Variants in LRIT1 observed in about 807,000 individuals in gnomAD.
The protein encoded by LRIT1 is leucine-rich repeat, immunoglobulin-like domain and transmembrane domain-containing protein 1.
LRIT1 carries 23 observed loss-of-function variants against 24.0 expected under a neutral mutation model. The observed-to-expected ratio is 0.96, with a 90% CI of 0.69 to 1.36. The LOEUF (loss-of-function observed/expected upper bound fraction) is 1.36, where lower values mean the gene tolerates loss of function less well. Among genes scored for constraint, LRIT1 ranks in the 40% most tolerant of loss-of-function variants. The pLI, the probability that LRIT1 is intolerant of heterozygous loss-of-function variation, is 0.00. For synonymous variants in LRIT1, 361 were observed against 340.5 expected, an observed-to-expected ratio of 1.06 and a Z score of -0.66; for missense variants, 846 against 806.3, an observed-to-expected ratio of 1.05 and a Z score of -0.60.
Position 84,232,044 on chromosome 10 carries a change from C to T in LRIT1, c.1755G>A (p.Glu585=). 6.2e-7 allele frequency: 1 copy of T among 1,614,136 alleles called. No homozygotes were observed. The highest frequency in any genetic ancestry group is 8.5e-7 in the Non-Finnish European group (1 of 1,180,022). ...ERLGYSEDGL[E]ELSRHSVSEA... ...CGCTGACACTGTGCCGGGACAGCTC[C>T]TCCAAGCCGTCCTCGCTGTAGCCCA... is the stretch of plus-strand genomic sequence containing the variant. Residue 585 remains glutamate, a synonymous_variant, in exon 4 of 4, where the codon GAG becomes GAA. Transcript: ENST00000372105.
rs779136345 is a variant in LRIT1, at chr10:84,232,345, A to C, written c.1454T>G (p.Ile485Ser). ...CTTGGTCTTGGGCAACAGCCCAGTGATGGTCACTCTGGTCTTCCCAGGCTG... is the reference window on the plus strand; with the variant it reads ...CTTGGTCTTGGGCAACAGCCCAGTGCTGGTCACTCTGGTCTTCCCAGGCTG... The part of the protein sequence containing the change: ...IVQPGKTRVT[I>S]TGLLPKTKYV... The change falls in exon 4 of 4, where the codon ATC (isoleucine) becomes AGC (serine). Residue 485 changes from isoleucine to serine, a missense_variant. Coordinates refer to ENST00000372105, the MANE Select transcript of LRIT1 (RefSeq NM_015613.3). The C allele has an allele frequency of 3.7e-6, 6 of 1,613,860 alleles. No individual in the cohort carries two copies. In the African/African-American group the frequency reaches 8.0e-5, roughly 22 times the overall value.
At chr10:84,238,706 G>A (rs908688017) in intron 1 of LRIT1, among the ~76,000 whole-genome samples, 1 of 152,202 alleles carries the variant, frequency 6.6e-6, no homozygotes, top group African/African-American at 2.4e-5. Context: ...CACCCTGCAT[G>A]AGCCCAAGGG....
chr10:84,231,889 G>A lies in LRIT1; in HGVS notation c.*38C>T, dbSNP rs61867368. The stretch of plus-strand genomic sequence containing the variant: ...CAGGTGTCAGAGCTAAAGAAGGAGC[G>A]TGGGCAGGCAGGTGTGTGAGTTGCG... On this transcript the variant is annotated 3_prime_UTR_variant, in exon 4 of 4. Transcript: ENST00000372105. The A allele has an allele frequency of 1.9e-3, 2,952 of 1,565,714 alleles. 4 individuals carry two copies. Among genetic ancestry groups the A allele is most frequent in the Non-Finnish European group, 2.3e-3 (2,676 of 1,156,334 alleles).
rs1461334692 is a variant in LRIT1 at position 84,237,279 on chromosome 10, G to C, written c.530C>G (p.Ser177Cys). ...GATACCGGTCTCCAGGTGAGCCCAGGAGACGATGAGCTCCTGCGGGAGCCT... is the reference window on the plus strand; with the variant it reads ...GATACCGGTCTCCAGGTGAGCCCAGCAGACGATGAGCTCCTGCGGGAGCCT... ...LMRLPQELIV[S>C]WAHLETGIFP... is the part of the protein sequence containing the mutation. Residue 177 changes from serine to cysteine, a missense_variant, in exon 2 of 4, where the codon TCC (serine) becomes TGC (cysteine). By Grantham distance (112) the Ser-to-Cys change is moderately radical. Transcript: ENST00000372105. The C allele has an allele frequency of 6.4e-7, 1 of 1,550,986 alleles. No homozygotes were observed. The highest frequency in any genetic ancestry group is 1.2e-5 in the South Asian group (1 of 84,048).
chr10:84,231,552 A>C lies in LRIT1; in HGVS notation c.*375T>G, dbSNP rs1349908509. The C allele has an allele frequency of 8.5e-6, 2 of 235,540 alleles. No homozygotes were observed. Among genetic ancestry groups the C allele is most frequent in the African/African-American group, 2.2e-5 (1 of 44,522 alleles). 14.6% of individuals were successfully genotyped at this position (235,540 alleles called of 1,614,324 possible). On this transcript the variant is annotated 3_prime_UTR_variant, in exon 4 of 4. Coordinates refer to ENST00000372105, the MANE Select transcript of LRIT1 (RefSeq NM_015613.3). ...AGAGCAGAGCCACCCTAATCAACCCACAGGCCTGTGAGTGTGAAAATAAGT... is the reference window on the plus strand; with the variant it reads ...AGAGCAGAGCCACCCTAATCAACCCCCAGGCCTGTGAGTGTGAAAATAAGT...
intron 3 of LRIT1, 38 bp from the exon 4 acceptor site, chr10:84,232,941 G>C: frequency 6.3e-7 from 1 of 1,579,776 alleles, no homozygotes; most frequent in East Asian, 2.2e-5. Context: ...GAACGAATGG[G>C]CCCATCTGCC....
chr10:84,234,217 A>G lies in LRIT1; in HGVS notation c.751T>C (p.Cys251Arg), dbSNP rs1842628768. Residue 251 changes from cysteine (C) to arginine (R), a missense_variant, in exon 3 of 4, where the codon TGC becomes CGC. By Grantham distance (180) the Cys-to-Arg change is radical. Coordinates refer to ENST00000372105, the MANE Select transcript of LRIT1 (RefSeq NM_015613.3). Reference sequence around the variant, plus strand: ...CCTGGATGGAGCTCTGGGCCCTGGCACTTCCTCAGTTCAAGCTGGCTGAAG... The same window carrying G: ...CCTGGATGGAGCTCTGGGCCCTGGCGCTTCCTCAGTTCAAGCTGGCTGAAG... ...VAFSQLELRKCQGPELHPGVA... is the reference protein window; with the variant it reads ...VAFSQLELRKRQGPELHPGVA... The G allele has an allele frequency of 6.2e-7, 1 of 1,613,886 alleles. No homozygotes were observed. The highest frequency in any genetic ancestry group is 8.5e-7 in the Non-Finnish European group (1 of 1,180,028).
chr10:84,231,662 C>T lies in LRIT1; in HGVS notation c.*265G>A, dbSNP rs971178617. 6.3e-6 allele frequency: 3 copies of T among 474,458 alleles called. No individual in the cohort carries two copies. Among genetic ancestry groups the T allele is most frequent in the East Asian group, 3.6e-5 (1 of 27,578 alleles). 29.4% of individuals were successfully genotyped at this position (474,458 alleles called of 1,614,324 possible). ...GATACAGGCAAGTTTCTTAACCCCCCACCCCAGGGAAATGGAGAGAATAGT... is the reference window on the plus strand; with the variant it reads ...GATACAGGCAAGTTTCTTAACCCCCTACCCCAGGGAAATGGAGAGAATAGT... On this transcript the variant is annotated 3_prime_UTR_variant, in exon 4 of 4. Coordinates refer to ENST00000372105, the MANE Select transcript of LRIT1 (RefSeq NM_015613.3).
rs1218132877 is a variant in LRIT1, at chr10:84,232,588, T to A, written c.1211A>T (p.Glu404Val). The change falls in exon 4 of 4, where the codon GAG becomes GTG. Residue 404 changes from glutamate to valine, a missense_variant. Physicochemically the swap from Glu to Val is moderately radical, Grantham distance 121. Transcript: ENST00000372105. ...TGPSVPSTKE[E>V]LTLEHFQMDA... The stretch of plus-strand genomic sequence containing the variant: ...CATCTGGAAGTGCTCAAGGGTCAGC[T>A]CCTCCTTTGTGCTGGGCACAGAGGG... 6.2e-7 allele frequency: 1 copy of A among 1,614,046 alleles called. No individual in the cohort carries two copies. Among genetic ancestry groups the A allele is most frequent in the South Asian group, 1.1e-5 (1 of 91,074 alleles).
intron 1 of LRIT1, among the ~76,000 whole-genome samples, chr10:84,239,755 A>G (rs1842678262): frequency 6.6e-6 from 1 of 152,314 alleles, no homozygotes; most frequent in African/African-American, 2.4e-5. Context: ...CAGCTCAGAC[A>G]TAAAGGCTGG....
Position 84,237,432 on chromosome 10 carries a change from G to A in LRIT1, c.377C>T (p.Ala126Val). The change falls in exon 2 of 4, where the codon GCG becomes GTG. Residue 126 changes from alanine (A) to valine (V), a missense_variant. Physicochemically the swap from Ala to Val is moderately conservative, Grantham distance 64. Transcript: ENST00000372105. ...GNRLAAFPWA[A>V]LRDAPKLRLL... The stretch of plus-strand genomic sequence containing the variant: ...CCGCAGCTTGGGGGCGTCCCTGAGC[G>A]CCGCCCAGGGGAAGGCGGCCAGGCG... The A allele has an allele frequency of 2.6e-6, 4 of 1,548,230 alleles. No individual in the cohort carries two copies. The highest frequency in any genetic ancestry group is 3.5e-6 in the Non-Finnish European group (4 of 1,148,724).
chr10:84,232,584 C>T lies in LRIT1; in HGVS notation c.1215G>A (p.Leu405=), dbSNP rs369082886. The T allele has an allele frequency of 3.1e-6, 5 of 1,613,982 alleles. No homozygotes were observed. The highest frequency in any genetic ancestry group is 1.3e-5 in the African/African-American group (1 of 74,932). Residue 405 remains leucine (L), a synonymous_variant, in exon 4 of 4, where the codon CTG becomes CTA. Coordinates refer to ENST00000372105, the MANE Select transcript of LRIT1 (RefSeq NM_015613.3). ...GPSVPSTKEE[L]TLEHFQMDAL... is the part of the protein sequence containing the mutation. Reference sequence around the variant, plus strand: ...CATCCATCTGGAAGTGCTCAAGGGTCAGCTCCTCCTTTGTGCTGGGCACAG... The same window carrying T: ...CATCCATCTGGAAGTGCTCAAGGGTTAGCTCCTCCTTTGTGCTGGGCACAG...
intron 3 of LRIT1, 75 bp downstream of exon 3, chr10:84,233,998 C>T: frequency 7.3e-7 from 1 of 1,367,954 alleles, no homozygotes; most frequent in South Asian, 1.7e-5. Flanking sequence ...CTGGCCCTGC[C>T]AAATCCCCAT....
chr10:84,238,837 G>A (rs1052849255), intron 1 of LRIT1, among the ~76,000 whole-genome samples: 10 of 152,326 alleles, frequency 6.6e-5, no homozygotes, highest in African/African-American at 2.4e-4. Flanking sequence ...TGAGACTAAA[G>A]CAGAGGATAG....
intron 3 of LRIT1, 127 bp from the exon 4 acceptor site, chr10:84,233,030 C>T: frequency 1.9e-6 from 2 of 1,053,258 alleles, no homozygotes; most frequent in South Asian, 3.3e-5. Context: ...CACTGGCAGT[C>T]ACTCAGTGTT....
chr10:84,237,378 G>GA lies in LRIT1; in HGVS notation c.430dup (p.Ser144PhefsTer6). Reference sequence around the variant, plus strand: ...GCGCGCGGCCTCAGCGGGCACAGCCGAGAGGCGGTTGGCCTGCAGGTCCAG... The same window carrying GA: ...GCGCGCGGCCTCAGCGGGCACAGCCGAAGAGGCGGTTGGCCTGCAGGTCCAG... On this transcript the variant is annotated frameshift_variant, in exon 2 of 4. Transcript: ENST00000372105. LOFTEE classifies it high-confidence loss of function. 1 of 1,549,248 alleles carries GA rather than the reference G, an allele frequency of 6.5e-7. No homozygotes were observed.
chr10:84,233,346 A>T (rs12257342), intron 3 of LRIT1, among the ~76,000 whole-genome samples: 21,319 of 150,386 alleles, frequency 0.14, 4,548 homozygotes, highest in African/African-American at 0.46. Context: ...ATATATATAT[A>T]TTTTTTTTTG....
In LRIT1 at chr10:84,241,499, G is replaced by GGCCCAGCAAGCCCAGCAA; in HGVS notation, c.-61_-60insTTGCTGGGCTTGCTGGGC. ...TGTCCCTGGACCGCTCCGTCCCACCGGCCCAGCAAGCTCAGCAGCTGCCCA... is the reference window on the plus strand; with the variant it reads ...TGTCCCTGGACCGCTCCGTCCCACCGGCCCAGCAAGCCCAGCAAGCCCAGCAAGCTCAGCAGCTGCCCA... On this transcript the variant is annotated 5_prime_UTR_variant, in exon 1 of 4. Coordinates refer to ENST00000372105, the MANE Select transcript of LRIT1 (RefSeq NM_015613.3). The GGCCCAGCAAGCCCAGCAA allele has an allele frequency of 4.2e-6, 6 of 1,421,114 alleles. No homozygotes were observed. Among genetic ancestry groups the GGCCCAGCAAGCCCAGCAA allele is most frequent in the Non-Finnish European group, 5.5e-6 (6 of 1,087,976 alleles). 88.0% of individuals were successfully genotyped at this position (1,421,114 alleles called of 1,614,324 possible).
At position 84,237,576 on chromosome 10, in the gene LRIT1, G is replaced by A; in HGVS notation, c.233C>T (p.Ala78Val). 6.2e-7 allele frequency: 1 copy of A among 1,606,518 alleles called. No homozygotes were observed. The highest frequency in any genetic ancestry group is 8.5e-7 in the Non-Finnish European group (1 of 1,179,806). The stretch of plus-strand genomic sequence containing the variant: ...CTCCAGGCGGCCCAGGGGCCTGAAG[G>A]CCTCGCCAGGAACCCTGCGTATGGC... ...RTAIRRVPGEAFRPLGRLEQL... is the reference protein window; with the variant it reads ...RTAIRRVPGEVFRPLGRLEQL... The change falls in exon 2 of 4, where the codon GCC (alanine) becomes GTC (valine). Residue 78 changes from alanine (A) to valine (V), a missense_variant. Physicochemically the swap from Ala to Val is moderately conservative, Grantham distance 64. Transcript: ENST00000372105.
Sources: gnomAD v4.1 joint callset for allele counts (sites outside exome capture counted in the v4.1 genomes callset) on GRCh38, gnomAD v4.1.1 for gene constraint, MANE v1.5 for transcripts, NCBI Gene and HGNC (gene_info 2026-07-23, HGNC 2026-07-21) for gene names.